Variants in LGSN observed in about 807,000 individuals in gnomAD.
The protein encoded by LGSN is lengsin.
LGSN carries 21 observed loss-of-function variants against 19.5 expected under a neutral mutation model. The observed-to-expected ratio is 1.07, with a 90% CI of 0.76 to 1.55. The LOEUF is 1.55. LGSN is among the 40% of genes most tolerant of loss of function. The pLI is 0.00. For synonymous variants in LGSN, 257 were observed against 215.6 expected, an observed-to-expected ratio of 1.19 and a Z score of -1.68; for missense variants, 673 against 608.5, an observed-to-expected ratio of 1.11 and a Z score of -1.12.
the LGSN span, among the ~76,000 whole-genome samples, chr6:63,402,238 C>G: frequency 4.6e-5 from 7 of 152,094 alleles, no homozygotes; most frequent in African/African-American, 1.7e-4. Flanking sequence ...AAATCCTGCA[C>G]TCTTGTGTCT....
At chr6:63,351,399 G>A in the LGSN span, among the ~76,000 whole-genome samples, 4 of 151,542 alleles carry the variant, frequency 2.6e-5, no homozygotes, top group Non-Finnish European at 2.9e-5. Context: ...ATGTGTGTCT[G>A]TGTGTGTCTG....
At chr6:63,368,038 T>A in the LGSN span, among the ~76,000 whole-genome samples, 1 of 150,916 alleles carries the variant, frequency 6.6e-6, no homozygotes, top group Non-Finnish European at 1.5e-5. Flanking sequence ...CATGTATACA[T>A]ATGTAATAAA....
intron 1 of LGSN, among the ~76,000 whole-genome samples, chr6:63,295,866 G>C (rs887596556): frequency 7.2e-5 from 11 of 152,118 alleles, no homozygotes; most frequent in African/African-American, 2.7e-4. Flanking sequence ...TTTTGAAAAA[G>C]CTGACACTGG....
the LGSN span, among the ~76,000 whole-genome samples, chr6:63,539,848 T>C: frequency 1.3e-5 from 2 of 152,144 alleles, no homozygotes; most frequent in South Asian, 2.1e-4. Flanking sequence ...TGTGAAGATA[T>C]GTTTAAACTT....
the LGSN span, among the ~76,000 whole-genome samples, chr6:63,489,576 G>A: frequency 6.6e-6 from 1 of 152,190 alleles, no homozygotes; most frequent in African/African-American, 2.4e-5. Flanking sequence ...TACCTTGTTG[G>A]CCAGTCTGGT....
chr6:63,282,041 T>A (rs1767342940), intron 3 of LGSN, among the ~76,000 whole-genome samples: 1 of 152,198 alleles, frequency 6.6e-6, no homozygotes, highest in South Asian at 2.1e-4. Context: ...GTAAAACAAG[T>A]GTTAGACTAG....
At chr6:63,508,833 C>T in the LGSN span, among the ~76,000 whole-genome samples, 4 of 149,816 alleles carry the variant, frequency 2.7e-5, no homozygotes, top group African/African-American at 7.3e-5. Context: ...GCAGGAGAAT[C>T]GCTTGAACCC....
chr6:63,421,314 C>T, the LGSN span, among the ~76,000 whole-genome samples: 3 of 152,076 alleles, frequency 2.0e-5, no homozygotes, highest in Non-Finnish European at 4.4e-5. Context: ...CCCAGCTACT[C>T]GGGAGGCTGA....
At chr6:63,493,027 C>G in the LGSN span, among the ~76,000 whole-genome samples, 2 of 152,196 alleles carry the variant, frequency 1.3e-5, no homozygotes, top group African/African-American at 4.8e-5. Flanking sequence ...CATTGGTACT[C>G]TTTATTAACA....
At chr6:63,457,103 A>C in the LGSN span, among the ~76,000 whole-genome samples, 2 of 152,188 alleles carry the variant, frequency 1.3e-5, no homozygotes, top group African/African-American at 4.8e-5. Flanking sequence ...TTGATATTTT[A>C]AATGCCTAAC....
chr6:63,491,117 C>T, the LGSN span, among the ~76,000 whole-genome samples: 1 of 152,142 alleles, frequency 6.6e-6, no homozygotes, highest in Non-Finnish European at 1.5e-5. Context: ...GTTTTACCAA[C>T]TATCTGGCCC....
the LGSN span, among the ~76,000 whole-genome samples, chr6:63,459,699 AG>A: frequency 1.3e-5 from 2 of 152,136 alleles, no homozygotes; most frequent in Admixed American, 6.6e-5. Context: ...AGATCACTGG[AG>A]GTCAGGAGTT....
At chr6:63,298,691 CT>C (rs1287307128) in intron 1 of LGSN, among the ~76,000 whole-genome samples, 7 of 152,082 alleles carry the variant, frequency 4.6e-5, no homozygotes, top group Non-Finnish European at 1.0e-4. Flanking sequence ...GCTGCAAGTA[CT>C]TACAAAAATG....
the LGSN span, among the ~76,000 whole-genome samples, chr6:63,469,752 G>A: frequency 6.6e-6 from 1 of 152,152 alleles, no homozygotes; most frequent in Admixed American, 6.5e-5. Flanking sequence ...TTGAAACGGA[G>A]TTTCAATCTT....
the LGSN span, chr6:63,481,851 C>A: frequency 3.7e-6 from 1 of 271,514 alleles, no homozygotes. Flanking sequence ...ATATGCAATC[C>A]ATGGATGTGG....
chr6:63,331,654 A>G, the LGSN span, among the ~76,000 whole-genome samples: 35 of 152,160 alleles, frequency 2.3e-4, no homozygotes, highest in Admixed American at 3.9e-4. Context: ...CCTGCCCAAG[A>G]ACCCACAACG....
chr6:63,342,483 T>A, the LGSN span, among the ~76,000 whole-genome samples: 2 of 152,332 alleles, frequency 1.3e-5, no homozygotes, highest in East Asian at 3.9e-4. Context: ...TCAATAAATG[T>A]AATGAACATA....
the LGSN span, among the ~76,000 whole-genome samples, chr6:63,506,082 C>T: frequency 3.3e-5 from 5 of 152,262 alleles, no homozygotes; most frequent in East Asian, 9.6e-4. Flanking sequence ...GGAAGAAATA[C>T]TTTGAAAGTT....
At chr6:63,297,349 G>A (rs543425345) in intron 1 of LGSN, among the ~76,000 whole-genome samples, 4 of 131,232 alleles carry the variant, frequency 3.0e-5, no homozygotes, top group South Asian at 2.5e-4. Context: ...AGTGAGCCTC[G>A]GTATCAAAAA....
Sources: gnomAD v4.1 joint callset for allele counts (sites outside exome capture counted in the v4.1 genomes callset) on GRCh38, gnomAD v4.1.1 for gene constraint, MANE v1.5 for transcripts, NCBI Gene and HGNC (gene_info 2026-07-23, HGNC 2026-07-21) for gene names.